PALD1: variants seen among roughly 807,000 people sequenced by gnomAD.
PALD1 encodes phosphatase domain containing paladin 1.
A neutral mutation model predicts 96.0 loss-of-function variants in PALD1; 57 were observed. That is an observed-to-expected ratio of 0.59 (90% CI 0.48 to 0.74). The LOEUF (loss-of-function observed/expected upper bound fraction) is 0.74, where lower values mean the gene tolerates loss of function less well. Among genes scored for constraint, PALD1 ranks in the 30% least tolerant of loss-of-function variants. The pLI is 0.00. For synonymous variants in PALD1, 464 were observed against 473.6 expected (o/e 0.98, Z 0.26); for missense variants, 1,063 against 1,143.7 (o/e 0.93, Z 1.02).
intron 18 of PALD1, among the ~76,000 whole-genome samples, chr10:70,556,896 C>T (rs1433869296): frequency 2.0e-5 from 3 of 152,154 alleles, no homozygotes; most frequent in Non-Finnish European, 4.4e-5. Context: ...GTCCTTGTTT[C>T]TGCTGCAAGA....
intron 5 of PALD1, 33 bp downstream of exon 5, chr10:70,531,487 G>A (rs912241463): frequency 6.3e-7 from 1 of 1,582,804 alleles, no homozygotes; most frequent in Non-Finnish European, 8.6e-7. Flanking sequence ...GGAGACCCCA[G>A]CCCACAGCCC....
chr10:70,492,781 A>T (rs987842180), intron 1 of PALD1, among the ~76,000 whole-genome samples: 4 of 152,118 alleles, frequency 2.6e-5, no homozygotes, highest in African/African-American at 9.7e-5. Context: ...ATAATTTATG[A>T]TGGGTTTGTC....
At chr10:70,537,726 G>C in intron 10 of PALD1, 85 bp from the exon 11 acceptor site, 1 of 871,448 alleles carries the variant, frequency 1.1e-6, no homozygotes, top group South Asian at 1.5e-5. Flanking sequence ...GGAGTTCCAA[G>C]GCTTAACTCC....
rs1406004914 is a variant in PALD1 at position 70,508,854 on chromosome 10, T to TGTGTGTGTGTGTGTGTGTGTGTGC, written c.-29-17066_-29-17065insTGTGTGTGTGTGTGTGTGTGCGTG. On this transcript the variant is annotated intron_variant, in intron 1 of 19. Coordinates refer to ENST00000263563, the MANE Select transcript of PALD1 (RefSeq NM_014431.3). The stretch of plus-strand genomic sequence containing the variant: ...GGGAGCTGCGGAACCTGTGTGTGTG[T>TGTGTGTGTGTGTGTGTGTGTGTGC]GTGCAGGCCTGTGGGAGTTGCGGGA... Among the ~76,000 whole-genome samples the TGTGTGTGTGTGTGTGTGTGTGTGC allele has an allele frequency of 1.1e-4, 14 of 122,348 alleles. 1 individual carries two copies. Among genetic ancestry groups the TGTGTGTGTGTGTGTGTGTGTGTGC allele is most frequent in the South Asian group, 5.4e-4 (2 of 3,696 alleles). 80.3% of individuals were successfully genotyped at this position (122,348 alleles called of 152,430 possible).
At chr10:70,499,303 C>G (rs1846251734) in intron 1 of PALD1, among the ~76,000 whole-genome samples, 1 of 152,234 alleles carries the variant, frequency 6.6e-6, no homozygotes, top group African/African-American at 2.4e-5. Context: ...TGTCACCTCT[C>G]TGGCCTGAGT....
chr10:70,547,554 C>G (rs1847395510), intron 18 of PALD1, 108 bp downstream of exon 18: 5 of 721,492 alleles, frequency 6.9e-6, no homozygotes, highest in Non-Finnish European at 1.1e-5. Flanking sequence ...TCCTAGGGGC[C>G]CCTCCTTGGC....
At chr10:70,489,499 C>T (rs1055937096) in intron 1 of PALD1, among the ~76,000 whole-genome samples, 1 of 152,060 alleles carries the variant, frequency 6.6e-6, no homozygotes, top group African/African-American at 2.4e-5. Flanking sequence ...ACTTGCTTAC[C>T]CAGGAAGGGG....
chr10:70,522,052 G>A (rs912809680), intron 1 of PALD1, among the ~76,000 whole-genome samples: 1 of 152,092 alleles, frequency 6.6e-6, no homozygotes, highest in Non-Finnish European at 1.5e-5. Flanking sequence ...AACCCATTAG[G>A]CAAATTAAGG....
At chr10:70,486,879 C>T (rs920602245) in intron 1 of PALD1, among the ~76,000 whole-genome samples, 9 of 152,258 alleles carry the variant, frequency 5.9e-5, no homozygotes, top group African/African-American at 2.2e-4. Context: ...GCAGCCCTGT[C>T]TGCTGGAGCA....
At chr10:70,532,470 A>G in intron 5 of PALD1, 151 bp from the exon 6 acceptor site, 5 of 718,884 alleles carry the variant, frequency 7.0e-6, no homozygotes, top group Non-Finnish European at 1.1e-5. Flanking sequence ...AATGGCATAG[A>G]GAGCACTTCT....
chr10:70,513,783 A>G (rs947092113), intron 1 of PALD1, among the ~76,000 whole-genome samples: 2 of 152,088 alleles, frequency 1.3e-5, no homozygotes, highest in Non-Finnish European at 2.9e-5. Flanking sequence ...CTGCTCCCCA[A>G]TCTGAGATCC....
At chr10:70,505,957 G>A (rs1056083632) in intron 1 of PALD1, among the ~76,000 whole-genome samples, 2 of 152,048 alleles carry the variant, frequency 1.3e-5, no homozygotes, top group African/African-American at 4.8e-5. Context: ...CCGGGTTGAG[G>A]ATGTGGTGAA....
At chr10:70,545,789 A>G (rs995493828) in intron 17 of PALD1, among the ~76,000 whole-genome samples, 2 of 151,822 alleles carry the variant, frequency 1.3e-5, no homozygotes, top group Non-Finnish European at 2.9e-5. Flanking sequence ...GCGTCTGCGC[A>G]GTGGCTGGGG....
In PALD1 at chr10:70,539,769, G is replaced by C; in HGVS notation, c.1908+7G>C. 6.2e-7 allele frequency: 1 copy of C among 1,606,434 alleles called. No individual in the cohort carries two copies. The highest frequency in any genetic ancestry group is 8.5e-7 in the Non-Finnish European group (1 of 1,177,998). On this transcript the variant is annotated splice_region_variant and intron_variant, in intron 15 of 19. Transcript: ENST00000263563. The surrounding 1 kb of genome is among the most constrained non-coding windows in gnomAD (Gnocchi z 4.5). ...CTGTGCCCCCCGAGAGGAGGTGAGG[G>C]TGCTGCTCAGGCTGAGGCCTCTGGG...
At chr10:70,486,005 G>A (rs920636597) in intron 1 of PALD1, 2 of 218,374 alleles carry the variant, frequency 9.2e-6, no homozygotes, top group East Asian at 2.2e-4. Context: ...TATGAGGCAA[G>A]CTGTTGTTCT....
chr10:70,557,131 C>G (rs78367860), intron 18 of PALD1, among the ~76,000 whole-genome samples: 1 of 152,252 alleles, frequency 6.6e-6, no homozygotes, highest in Non-Finnish European at 1.5e-5. Flanking sequence ...CTGGCTGCAG[C>G]CCTGGCTCTG....
At chr10:70,491,102 C>T (rs771123060) in intron 1 of PALD1, among the ~76,000 whole-genome samples, 68 of 152,276 alleles carry the variant, frequency 4.5e-4, no homozygotes, top group Non-Finnish European at 8.5e-4. Context: ...CCTGCCACCA[C>T]GCCTGGCTAA....
In PALD1 at chr10:70,539,967, G is replaced by C. The variant is rs997202769; in HGVS notation, c.1908+205G>C. ...GTGTGTGTACGTGTGTTTATTATGT[G>C]TTATAGGGTATATGTGTGTGTATTG... On this transcript the variant is annotated intron_variant, in intron 15 of 19. Transcript: ENST00000263563. This position sits in a 1 kb window ranked among gnomAD's most constrained non-coding sequence, Gnocchi z 4.5. 6.6e-6 allele frequency among the ~76,000 whole-genome samples: 1 copy of C among 152,102 alleles called. No individual in the cohort carries two copies. The highest frequency in any genetic ancestry group is 1.5e-5 in the Non-Finnish European group (1 of 68,010).
chr10:70,526,069 A>AT lies in PALD1; in HGVS notation c.118_119insT (p.Ser40MetfsTer3). ...CTCCGTCAGCATCCACTCCTTCCAG[A>AT]GCACTAGCTTGCATAACAGCAAGGC... On this transcript the variant is annotated frameshift_variant, in exon 2 of 20. Coordinates refer to ENST00000263563, the MANE Select transcript of PALD1 (RefSeq NM_014431.3). LOFTEE classifies it high-confidence loss of function. 6.2e-7 allele frequency: 1 copy of AT among 1,614,188 alleles called. No homozygotes were observed. Among genetic ancestry groups the AT allele is most frequent in the Non-Finnish European group, 8.5e-7 (1 of 1,180,036 alleles).
Sources: allele counts gnomAD v4.1 joint callset (sites outside exome capture counted in the v4.1 genomes callset), GRCh38; gene constraint gnomAD v4.1.1; non-coding constraint Gnocchi (gnomAD v3.1); transcripts MANE v1.5; gene names NCBI Gene and HGNC (gene_info 2026-07-23, HGNC 2026-07-21).